Variants in ZNF302 observed in about 807,000 individuals in gnomAD.
The protein encoded by ZNF302 is zinc finger protein 327.
A neutral mutation model predicts 10.8 loss-of-function variants in ZNF302; 12 were observed. The ratio of observed to expected loss-of-function variants is 1.11; its 90% confidence interval spans 0.71 to 1.79. ZNF302 has a LOEUF of 1.79. ZNF302 is among the 40% of genes most tolerant of loss of function. ZNF302 has a pLI of 0.00. For missense variants in ZNF302, 461 were observed against 471.1 expected, an observed-to-expected ratio of 0.98 and a Z score of 0.20; for synonymous variants, 178 against 157.5, an observed-to-expected ratio of 1.13 and a Z score of -0.98.
At chr19:34,677,483 C>G (rs186542843), upstream of ZNF302, 1 of 152,474 alleles carries the variant, frequency 6.6e-6, no homozygotes, top group African/African-American at 2.4e-5. Context: ...CTGGCCGGCT[C>G]TAGGTCGACG....
intron 2 of ZNF302, chr19:34,681,549 T>C (rs2068348520): frequency 6.6e-6 from 1 of 152,242 alleles, no homozygotes; most frequent in African/African-American, 2.4e-5. Context: ...GGTTTGGGGA[T>C]GAAACCGTTC....
chr19:34,681,608 G>A lies in ZNF302; in HGVS notation c.10-1169G>A, dbSNP rs566593901. The A allele has an allele frequency of 9.8e-5, 15 of 152,312 alleles. No homozygotes were observed. The South Asian group carries it at 2.7e-3, about 27-fold the overall frequency. 9.4% of individuals were successfully genotyped at this position (152,312 alleles called of 1,614,324 possible). ...ATTGACATAAGGAGTGTGCAACTTCGATCCCTTGCATGTGCAGTTCACAGT... is the reference window on the plus strand; with the variant it reads ...ATTGACATAAGGAGTGTGCAACTTCAATCCCTTGCATGTGCAGTTCACAGT... On this transcript the variant is annotated intron_variant, in intron 2 of 4. Transcript: ENST00000505242.
In ZNF302 at chr19:34,679,446, G is replaced by T. The variant is rs1477253877; in HGVS notation, c.9+633G>T. On this transcript the variant is annotated intron_variant, in intron 2 of 4. Coordinates refer to ENST00000505242, the MANE Select transcript of ZNF302 (RefSeq NM_001289187.2). The stretch of plus-strand genomic sequence containing the variant: ...CAGTGGTTCTAACTGAGTCACTTCT[G>T]CAATGACCTATTTGTACAATTAGGC... 3.9e-5 allele frequency among the ~76,000 whole-genome samples: 6 copies of T among 152,166 alleles called. No homozygotes were observed. In the East Asian group the frequency reaches 1.2e-3, roughly 29 times the overall value.
chr19:34,678,707 C>G, intron 1 of ZNF302, 30 bp from the exon 2 acceptor site: 2 of 1,450,126 alleles, frequency 1.4e-6, no homozygotes, highest in South Asian at 2.3e-5. Flanking sequence ...TTTTTCATGA[C>G]TGCTTTTTCC....
In ZNF302 at chr19:34,686,317, TAAAAA is replaced by T. The variant is rs1421456038; in HGVS notation, c.*1081_*1085del. On this transcript the variant is annotated 3_prime_UTR_variant, in exon 5 of 5. Transcript: ENST00000505242. ...GAGGAGCCAGTAAATGTTATAATGTTAAAAATTAAAGCTGCAAAAGAAATAAAATG... is the reference window on the plus strand; with the variant it reads ...GAGGAGCCAGTAAATGTTATAATGTTTTAAAGCTGCAAAAGAAATAAAATG... 1 of 152,178 alleles carries T rather than the reference TAAAAA, an allele frequency of 6.6e-6. No individual in the cohort carries two copies. The highest frequency in any genetic ancestry group is 1.5e-5 in the Non-Finnish European group (1 of 68,020). The allele number at this position is 152,178 out of a possible 1,614,324, so 9.4% of individuals were successfully genotyped here.
intron 2 of ZNF302, chr19:34,681,313 T>A (rs554593490): frequency 2.8e-4 from 43 of 152,380 alleles, no homozygotes; most frequent in African/African-American, 1.0e-3. Flanking sequence ...TCTAAAGTTT[T>A]ACTATTTTAA....
chr19:34,683,211 T>A lies in ZNF302; in HGVS notation c.187T>A (p.Trp63Arg), dbSNP rs778901705. ...GTTATTGGAGGATGGAAAAGAGCCC[T>A]GGATGATGGAGAAAAAACTGTCAAA... ...IMLLEDGKEPWMMEKKLSKDW... is the reference protein window; with the variant it reads ...IMLLEDGKEPRMMEKKLSKDW... The change falls in exon 4 of 5, where the codon TGG becomes AGG. Residue 63 changes from tryptophan to arginine, a missense_variant. Trp to Arg is a moderately radical substitution (Grantham distance 101). Transcript: ENST00000505242. 1 of 1,614,072 alleles carries A rather than the reference T, an allele frequency of 6.2e-7. No homozygotes were observed.
At position 34,685,454 on chromosome 19, in the gene ZNF302, A is replaced by G. The variant is rs1292073196; in HGVS notation, c.*217A>G. 7 of 1,597,064 alleles carry G rather than the reference A, an allele frequency of 4.4e-6. No homozygotes were observed. The African/African-American group carries it at 9.4e-5, about 21-fold the overall frequency. On this transcript the variant is annotated 3_prime_UTR_variant, in exon 5 of 5. Coordinates refer to ENST00000505242, the MANE Select transcript of ZNF302 (RefSeq NM_001289187.2). ...TAGTTCAAACCTTACTGTACATCAG[A>G]GAATTCATACTGGAGAAAAGCCATA...
Position 34,684,303 on chromosome 19 carries a change from A to G in ZNF302, c.266A>G (p.Tyr89Cys), listed in dbSNP as rs2290652. 0.34 allele frequency: 541,529 copies of G among 1,573,116 alleles called. 96,281 individuals carry two copies. Among genetic ancestry groups the G allele is most frequent in the Non-Finnish European group, 0.37 (425,461 of 1,165,438 alleles). Reference sequence around the variant, plus strand: ...GAATTATCAACAAAGAAGGATATTTATGATGAAGATTCACCCCAACCAGTA... The same window carrying G: ...GAATTATCAACAAAGAAGGATATTTGTGATGAAGATTCACCCCAACCAGTA... ...NKELSTKKDI[Y>C]DEDSPQPVTM... Residue 89 changes from tyrosine to cysteine, a missense_variant, in exon 5 of 5, where the codon TAT becomes TGT. By Grantham distance (194) the Tyr-to-Cys change is radical. Transcript: ENST00000505242.
In ZNF302 at chr19:34,684,479, A is replaced by C; in HGVS notation, c.442A>C (p.Lys148Gln). 6.2e-7 allele frequency: 1 copy of C among 1,612,898 alleles called. No homozygotes were observed. Among genetic ancestry groups the C allele is most frequent in the Non-Finnish European group, 8.5e-7 (1 of 1,179,254 alleles). Residue 148 changes from lysine (K) to glutamine (Q), a missense_variant, in exon 5 of 5, where the codon AAA (lysine) becomes CAA (glutamine). By Grantham distance (53) the Lys-to-Gln change is moderately conservative. Transcript: ENST00000505242. ...QNNSAEGNSH[K>Q]YDILKKNLSK... ...CAATTCTGCTGAAGGGAATTCACAC[A>C]AATATGATATATTAAAGAAGAATTT...
Position 34,684,469 on chromosome 19 carries a change from G to A in ZNF302, c.432G>A (p.Gly144=), listed in dbSNP as rs1303384296. 3.7e-6 allele frequency: 6 copies of A among 1,612,840 alleles called. No homozygotes were observed. The highest frequency in any genetic ancestry group is 5.1e-6 in the Non-Finnish European group (6 of 1,179,322). The change falls in exon 5 of 5, where the codon GGG becomes GGA. Residue 144 remains glycine, a synonymous_variant. Transcript: ENST00000505242. ...AACCACAAAACAATTCTGCTGAAGG[G>A]AATTCACACAAATATGATATATTAA... ...LSEPQNNSAE[G]NSHKYDILKK...
intron 2 of ZNF302, among the ~76,000 whole-genome samples, chr19:34,680,680 C>T (rs1171234383): frequency 6.6e-6 from 1 of 152,086 alleles, no homozygotes; most frequent in Non-Finnish European, 1.5e-5. Flanking sequence ...AAGAAGCATC[C>T]CTGGCTCTAA....
intron 2 of ZNF302, 63 bp downstream of exon 2, chr19:34,678,876 G>C: frequency 1.3e-6 from 2 of 1,598,478 alleles, no homozygotes; most frequent in South Asian, 2.2e-5. Flanking sequence ...TGTTTGCTTT[G>C]CTTCTCCTGC....
rs374892594 is a variant in ZNF302, at chr19:34,684,594, G to A, written c.557G>A (p.Ser186Asn). 36 of 1,613,940 alleles carry A rather than the reference G, an allele frequency of 2.2e-5. No individual in the cohort carries two copies. Among genetic ancestry groups the A allele is most frequent in the Non-Finnish European group, 3.1e-5 (36 of 1,179,930 alleles). The change falls in exon 5 of 5, where the codon AGC (serine) becomes AAC (asparagine). Residue 186 changes from serine to asparagine, a missense_variant. Transcript: ENST00000505242. ...AAAAGTGGGGCAGCCTTCAACCAGA[G>A]CAAATCTCTTACCCTTCCCCAGACT... Reference protein sequence around the residue: ...SNKSGAAFNQSKSLTLPQTCN... With the variant: ...SNKSGAAFNQNKSLTLPQTCN...
Position 34,685,035 on chromosome 19 carries a change from A to C in ZNF302, c.998A>C (p.Lys333Thr), listed in dbSNP as rs2068590098. 1 of 1,613,478 alleles carries C rather than the reference A, an allele frequency of 6.2e-7. No homozygotes were observed. ...AGTTCGTCTCTCATTCACCATCAGA[A>C]AAGCCATACTGGAGAGAAGCCTTAT... ...IHSSSLIHHQ[K>T]SHTGEKPYEC... The change falls in exon 5 of 5, where the codon AAA becomes ACA. Residue 333 changes from lysine (K) to threonine (T), a missense_variant. Physicochemically the swap from Lys to Thr is moderately conservative, Grantham distance 78. Transcript: ENST00000505242.
At position 34,684,767 on chromosome 19, in the gene ZNF302, C is replaced by G. The variant is rs1230212824; in HGVS notation, c.730C>G (p.Leu244Val). 3 of 1,613,882 alleles carry G rather than the reference C, an allele frequency of 1.9e-6. No individual in the cohort carries two copies. The African/African-American group carries it at 4.0e-5, about 22-fold the overall frequency. The change falls in exon 5 of 5, where the codon CTT (leucine) becomes GTT (valine). Residue 244 changes from leucine to valine, a missense_variant. By Grantham distance (32) the Leu-to-Val change is conservative. Transcript: ENST00000505242. ...CGKTFSHGSS[L>V]TRHQISHSGE... ...GAAGACTTTTAGCCATGGTTCATCC[C>G]TTACACGACATCAGATAAGCCATAG...
chr19:34,684,560 A>G lies in ZNF302; in HGVS notation c.523A>G (p.Asn175Asp). Residue 175 changes from asparagine (N) to aspartate (D), a missense_variant, in exon 5 of 5, where the codon AAT becomes GAT. By Grantham distance (23) the Asn-to-Asp change is conservative. Coordinates refer to ENST00000505242, the MANE Select transcript of ZNF302 (RefSeq NM_001289187.2). ...ERINGGKKLL[N>D]SNKSGAAFNQ... Reference sequence around the variant, plus strand: ...AATAAATGGTGGAAAGAAACTTTTAAATTCTAATAAAAGTGGGGCAGCCTT... The same window carrying G: ...AATAAATGGTGGAAAGAAACTTTTAGATTCTAATAAAAGTGGGGCAGCCTT... 1 of 1,613,810 alleles carries G rather than the reference A, an allele frequency of 6.2e-7. No homozygotes were observed. Among genetic ancestry groups the G allele is most frequent in the African/African-American group, 1.3e-5 (1 of 75,042 alleles).
intron 2 of ZNF302, chr19:34,679,841 A>T (rs1200974368): frequency 1.4e-6 from 1 of 702,834 alleles, no homozygotes; most frequent in Admixed American, 2.0e-5. Flanking sequence ...CAGTACCCAG[A>T]GTGTTACCTG....
intron 1 of ZNF302, 43 bp from the exon 2 acceptor site, chr19:34,678,694 C>T (rs1455247394): frequency 3.1e-6 from 4 of 1,309,580 alleles, no homozygotes; most frequent in South Asian, 1.2e-5. Context: ...AAGATAAGCC[C>T]GATTTTTCAT....
Sources: gnomAD v4.1 joint callset for allele counts (sites outside exome capture counted in the v4.1 genomes callset) on GRCh38, gnomAD v4.1.1 for gene constraint, MANE v1.5 for transcripts, NCBI Gene and HGNC (gene_info 2026-07-23, HGNC 2026-07-21) for gene names.